EDA: variants seen among roughly 807,000 people sequenced by gnomAD.
EDA encodes the protein ectodysplasin A, also known as ectodysplasin-A.
A neutral mutation model predicts 23.6 loss-of-function variants in EDA; 2 were observed. The ratio of observed to expected loss-of-function variants is 0.08; its 90% CI spans 0.03 to 0.27. The LOEUF (loss-of-function observed/expected upper bound fraction) is 0.27, where lower values mean the gene tolerates loss of function less well. Ranked by LOEUF, EDA falls within the 10% of genes least tolerant of loss-of-function variation. EDA has a pLI of 1.00. For synonymous variants in EDA, 131 were observed against 132.0 expected, an observed-to-expected ratio of 0.99 and a Z score of 0.05; for missense variants, 229 against 324.2, an observed-to-expected ratio of 0.71 and a Z score of 2.26.
chrX:69,898,772 T>C (rs951488481), intron 1 of EDA, among the ~76,000 whole-genome samples: 4 of 112,224 alleles, frequency 3.6e-5, no homozygotes, highest in African/African-American at 1.3e-4. Context: ...GGAACTGCCC[T>C]GGTTGTTGTA....
chrX:69,839,302 A>T (rs897577533), intron 1 of EDA, among the ~76,000 whole-genome samples: 3 of 111,731 alleles, frequency 2.7e-5, no homozygotes, highest in African/African-American at 9.7e-5. Flanking sequence ...TCATCTTTTT[A>T]ACCTACACCC....
chrX:69,704,336 G>A (rs766881656), intron 1 of EDA, among the ~76,000 whole-genome samples: 1 of 112,055 alleles, frequency 8.9e-6, no homozygotes, highest in South Asian at 3.7e-4. Flanking sequence ...AAGATAAGAG[G>A]TTGTGGAGAC....
At chrX:69,759,844 G>A (rs996820945) in intron 1 of EDA, among the ~76,000 whole-genome samples, 5 of 110,187 alleles carry the variant, frequency 4.5e-5, no homozygotes, top group East Asian at 5.7e-4. Context: ...GCTGGATAGT[G>A]TGTCTGAAAA....
At chrX:69,856,042 C>A (rs1472156892) in intron 1 of EDA, among the ~76,000 whole-genome samples, 1 of 110,305 alleles carries the variant, frequency 9.1e-6, no homozygotes, top group Non-Finnish European at 1.9e-5. Context: ...ATCCCTCACC[C>A]CTCTCCCACA....
chrX:69,982,885 G>A (rs2019434037), intron 2 of EDA, among the ~76,000 whole-genome samples: 1 of 63,732 alleles, frequency 1.6e-5, no homozygotes, highest in Non-Finnish European at 2.9e-5. Flanking sequence ...TTAATGTGTG[G>A]GAGTCTAAGT....
At chrX:69,901,337 A>C (rs1041029355) in intron 1 of EDA, among the ~76,000 whole-genome samples, 1 of 112,341 alleles carries the variant, frequency 8.9e-6, no homozygotes, top group Non-Finnish European at 1.9e-5. Context: ...GTACTGAAAT[A>C]CTATTAACTA....
intron 1 of EDA, among the ~76,000 whole-genome samples, chrX:69,819,158 A>C (rs1208876268): frequency 2.7e-5 from 3 of 112,430 alleles, no homozygotes; most frequent in Non-Finnish European, 5.6e-5. Flanking sequence ...TCCTTTGATA[A>C]AATCCAATGT....
chrX:69,733,128 G>T lies in EDA; in HGVS notation c.396+116424G>T, dbSNP rs995201953. ...AATTAGATCCCATTTGTCAATTTTGGCTTTTGTTGCCATTGCTTTTGGTGT... is the reference window on the plus strand; with the variant it reads ...AATTAGATCCCATTTGTCAATTTTGTCTTTTGTTGCCATTGCTTTTGGTGT... On this transcript the variant is annotated intron_variant, in intron 1 of 7. Coordinates refer to ENST00000374552, the MANE Select transcript of EDA (RefSeq NM_001399.5). Among the ~76,000 whole-genome samples, 7 of 109,379 alleles carry T rather than the reference G, an allele frequency of 6.4e-5. No individual in the cohort carries two copies. In the East Asian group the frequency reaches 1.1e-3, roughly 18 times the overall value. The allele number at this position is 109,379 out of a possible 115,157, so 95.0% of individuals were successfully genotyped here. A position where few individuals can be genotyped will look rare whatever the true frequency, so the allele number is the denominator to read the frequency against.
Position 69,969,649 on chromosome X carries a change from C to T in EDA, c.502+12517C>T, listed in dbSNP as rs138283456. On this transcript the variant is annotated intron_variant, in intron 2 of 7. Coordinates refer to ENST00000374552, the MANE Select transcript of EDA (RefSeq NM_001399.5). ...TATTTAAAGGAGAAAGGCATATTTG[C>T]GGTACACATATTTTATCTCAGAGTC... Among the ~76,000 whole-genome samples the T allele has an allele frequency of 9.5e-3, 1,066 of 111,781 alleles. 16 individuals carry two copies. The highest frequency in any genetic ancestry group is 0.033 in the African/African-American group (1,024 of 30,764).
At position 69,647,535 on chromosome X, in the gene EDA, A is replaced by G. The variant is rs1002946078; in HGVS notation, c.396+30831A>G. Among the ~76,000 whole-genome samples, 3 of 111,818 alleles carry G rather than the reference A, an allele frequency of 2.7e-5. No individual in the cohort carries two copies. In the Admixed American group the frequency reaches 2.9e-4, roughly 11 times the overall value. On this transcript the variant is annotated intron_variant, in intron 1 of 7. Transcript: ENST00000374552. ...TTCTCGTGTTGTGTTTTTCAGCTCCATCAGGTTGGCTGTGTTCCTCTCTAA... is the reference window on the plus strand; with the variant it reads ...TTCTCGTGTTGTGTTTTTCAGCTCCGTCAGGTTGGCTGTGTTCCTCTCTAA...
At chrX:69,894,830 T>C (rs2017987070) in intron 1 of EDA, among the ~76,000 whole-genome samples, 1 of 111,880 alleles carries the variant, frequency 8.9e-6, no homozygotes, top group Admixed American at 9.5e-5. Flanking sequence ...GTTTTCTAGG[T>C]ATAAAATCAT....
intron 2 of EDA, among the ~76,000 whole-genome samples, chrX:70,015,853 A>G (rs936625515): frequency 1.8e-5 from 2 of 111,466 alleles, no homozygotes; most frequent in Non-Finnish European, 1.9e-5. Flanking sequence ...CAATGACAAG[A>G]TCAAATTTGC....
chrX:69,858,826 A>C (rs1047774887), intron 1 of EDA, among the ~76,000 whole-genome samples: 1 of 111,113 alleles, frequency 9.0e-6, no homozygotes, highest in Non-Finnish European at 1.9e-5. Flanking sequence ...TTCTTTGTAC[A>C]TCTCGTAGAA....
chrX:70,033,077 T>C (rs2020220776), intron 6 of EDA, among the ~76,000 whole-genome samples: 1 of 112,143 alleles, frequency 8.9e-6, no homozygotes, highest in African/African-American at 3.2e-5. Flanking sequence ...ACAAAGAAAA[T>C]AGGGCAGCAT....
chrX:70,023,478 C>CT (rs754981946), intron 3 of EDA, among the ~76,000 whole-genome samples: 7,815 of 33,371 alleles, frequency 0.23, 2,083 homozygotes, highest in East Asian at 0.45. Context: ...TCTTTTTATT[C>CT]TTTTTTTTTT....
At chrX:69,807,613 C>T (rs1935832423) in intron 1 of EDA, among the ~76,000 whole-genome samples, 1 of 108,360 alleles carries the variant, frequency 9.2e-6, no homozygotes, top group South Asian at 4.1e-4. Flanking sequence ...TAGACCACAT[C>T]CTGTGTGTGT....
At chrX:69,745,172 A>C (rs1301173932) in intron 1 of EDA, among the ~76,000 whole-genome samples, 2 of 111,533 alleles carry the variant, frequency 1.8e-5, no homozygotes, top group African/African-American at 6.5e-5. Flanking sequence ...TAACATATCC[A>C]GTTTCTATGC....
chrX:69,914,366 C>T (rs1322485246), intron 1 of EDA, among the ~76,000 whole-genome samples: 2 of 111,973 alleles, frequency 1.8e-5, no homozygotes, highest in Non-Finnish European at 1.9e-5. Context: ...AAAGATTAAG[C>T]GACCTTCCCA....
intron 1 of EDA, among the ~76,000 whole-genome samples, chrX:69,703,460 C>T (rs888272883): frequency 8.9e-6 from 1 of 112,060 alleles, no homozygotes; most frequent in Non-Finnish European, 1.9e-5. Flanking sequence ...GTTCTTGTAT[C>T]TGTTCTAATC....
Sources: allele counts gnomAD v4.1 joint callset (sites outside exome capture counted in the v4.1 genomes callset), GRCh38; gene constraint gnomAD v4.1.1; transcripts MANE v1.5; gene names NCBI Gene and HGNC (gene_info 2026-07-23, HGNC 2026-07-21).